The following MICAL3 variants were observed in gnomAD, a reference collection of about 807,000 sequenced individuals.
MICAL3 encodes microtubule associated monooxygenase, calponin and LIM domain containing 3.
A neutral mutation model predicts 207.4 loss-of-function variants in MICAL3; 62 were observed. The observed-to-expected ratio is 0.30, with a 90% confidence interval of 0.24 to 0.37. The LOEUF is 0.37. Among genes scored for constraint, MICAL3 ranks in the 10% least tolerant of loss-of-function variants. MICAL3 has a pLI of 1.00. For synonymous variants in MICAL3, 1,077 were observed against 1,069.3 expected, an observed-to-expected ratio of 1.01 and a Z score of -0.14; for missense variants, 2,368 against 2,635.6, an observed-to-expected ratio of 0.90 and a Z score of 2.22.
In MICAL3 at chr22:17,877,162, TGGAGGTTAG is replaced by T. The variant is rs1159642529; in HGVS notation, c.2242-5148_2242-5140del. ...GAGGTTATGGAGGTTAGGGAGGTTA[TGGAGGTTAG>T]GGAGGTTAGGGAAGTTATGGAGGTT... On this transcript the variant is annotated intron_variant, in intron 16 of 31. Transcript: ENST00000441493. Among the ~76,000 whole-genome samples, 41 of 12,980 alleles carry T rather than the reference TGGAGGTTAG, an allele frequency of 3.2e-3. 4 individuals are homozygous for T. Among genetic ancestry groups the T allele is most frequent in the South Asian group, 4.7e-3 (2 of 424 alleles). 8.5% of individuals were successfully genotyped at this position (12,980 alleles called of 152,430 possible).
chr22:17,983,822 T>C (rs1936037533), intron 1 of MICAL3, among the ~76,000 whole-genome samples: 1 of 152,102 alleles, frequency 6.6e-6, no homozygotes, highest in Admixed American at 6.6e-5. Flanking sequence ...AAAGGTGCCC[T>C]ATCAGACTCC....
chr22:17,956,068 T>C (rs1569146137), intron 1 of MICAL3, among the ~76,000 whole-genome samples: 1 of 152,206 alleles, frequency 6.6e-6, no homozygotes, highest in Non-Finnish European at 1.5e-5. Flanking sequence ...CTGAAATTCC[T>C]GGTCTTATAG....
rs141389816 is a variant in MICAL3, at chr22:17,938,194, T to A, written c.-74-31308A>T. Among the ~76,000 whole-genome samples, 356 of 152,304 alleles carry A rather than the reference T, an allele frequency of 2.3e-3. 1 individual carries two copies. The highest frequency in any genetic ancestry group is 8.0e-3 in the African/African-American group (333 of 41,566). ...AACTCAGGATAACAGGGTAATTAAG[T>A]TGGCCAGCTAATAAGCAGAGGATGA... On this transcript the variant is annotated intron_variant, in intron 1 of 31. Transcript: ENST00000441493.
intron 1 of MICAL3, among the ~76,000 whole-genome samples, chr22:17,964,338 T>C (rs1401721894): frequency 3.3e-5 from 5 of 152,162 alleles, no homozygotes; most frequent in African/African-American, 1.2e-4. Flanking sequence ...AGGCCAAATA[T>C]GCAAAGCCCC....
chr22:17,847,394 C>T (rs1237581539), intron 19 of MICAL3, among the ~76,000 whole-genome samples: 3 of 152,206 alleles, frequency 2.0e-5, no homozygotes, highest in Admixed American at 2.0e-4. Context: ...TCCTGTTTCC[C>T]ATGTCTGTAA....
intron 16 of MICAL3, among the ~76,000 whole-genome samples, chr22:17,882,885 C>T (rs1357899556): frequency 6.6e-6 from 1 of 152,100 alleles, no homozygotes; most frequent in Non-Finnish European, 1.5e-5. Context: ...CCTACTCCAC[C>T]ATGACCATAC....
chr22:17,902,736 G>A lies in MICAL3; in HGVS notation c.484C>T (p.Leu162Phe). ...GAIDHISIRQ[L>F]QLILLKVALI... ...GCTACTTTCAAAAGTATTAGTTGGAGCTGACGGATACCTGGGAGAATACAG... is the reference window on the plus strand; with the variant it reads ...GCTACTTTCAAAAGTATTAGTTGGAACTGACGGATACCTGGGAGAATACAG... The change falls in exon 4 of 32, where the codon CTC becomes TTC. Residue 162 changes from leucine (L) to phenylalanine (F), a missense_variant. Physicochemically the swap from Leu to Phe is conservative, Grantham distance 22. Transcript: ENST00000441493. This position sits in a 1 kb window ranked among gnomAD's most constrained non-coding sequence, Gnocchi z 4.5. The A allele has an allele frequency of 6.3e-7, 1 of 1,589,494 alleles. No individual in the cohort carries two copies. The highest frequency in any genetic ancestry group is 8.6e-7 in the Non-Finnish European group (1 of 1,164,050).
chr22:17,940,169 C>T (rs1933742203), intron 1 of MICAL3, among the ~76,000 whole-genome samples: 1 of 152,216 alleles, frequency 6.6e-6, no homozygotes, highest in African/African-American at 2.4e-5. Flanking sequence ...TACTATCTGC[C>T]CTTTCAGGGC....
At chr22:17,946,101 C>T (rs1474315779) in intron 1 of MICAL3, among the ~76,000 whole-genome samples, 1 of 152,150 alleles carries the variant, frequency 6.6e-6, no homozygotes, top group African/African-American at 2.4e-5. Flanking sequence ...ACAAAGCAGG[C>T]AGCATCTCAA....
At chr22:17,943,203 C>T (rs144146999) in intron 1 of MICAL3, among the ~76,000 whole-genome samples, 29 of 152,260 alleles carry the variant, frequency 1.9e-4, no homozygotes, top group African/African-American at 6.7e-4. Flanking sequence ...CGCTCTGTCA[C>T]CCGGGCTTGA....
Position 17,790,378 on chromosome 22 carries a change from G to A in MICAL3, c.*354C>T. 3.8e-6 allele frequency: 1 copy of A among 264,256 alleles called. No homozygotes were observed. The highest frequency in any genetic ancestry group is 7.3e-6 in the Non-Finnish European group (1 of 136,894). 16.4% of individuals were successfully genotyped at this position (264,256 alleles called of 1,614,324 possible). A position where few individuals can be genotyped will look rare whatever the true frequency, so the allele number is the denominator to read the frequency against. On this transcript the variant is annotated 3_prime_UTR_variant, in exon 32 of 32. Transcript: ENST00000441493. ...GCACGGCGCACTGTGGTTCTGACGG[G>A]GAGCAGCTTCCCTCTCTTACCAAAT...
intron 1 of MICAL3, among the ~76,000 whole-genome samples, chr22:17,991,244 C>A (rs1238561955): frequency 6.6e-6 from 1 of 152,116 alleles, no homozygotes; most frequent in East Asian, 1.9e-4. Context: ...TCTGAGCCTG[C>A]GTGTGTGTAA....
rs553009738 is a variant in MICAL3 at position 17,880,111 on chromosome 22, C to T, written c.2241+5767G>A. On this transcript the variant is annotated intron_variant, in intron 16 of 31. Coordinates refer to ENST00000441493, the MANE Select transcript of MICAL3 (RefSeq NM_015241.3). ...GGAAAAACAGCCCCAAGGCCTCTGA[C>T]GTGGCTGCTCCTATCTAGCACCCGT... Among the ~76,000 whole-genome samples the T allele has an allele frequency of 4.6e-5, 7 of 152,298 alleles. No homozygotes were observed. The South Asian group carries it at 8.3e-4, about 18-fold the overall frequency.
chr22:17,811,792 T>TGG (rs989203746), intron 27 of MICAL3, among the ~76,000 whole-genome samples: 1 of 152,172 alleles, frequency 6.6e-6, no homozygotes, highest in Non-Finnish European at 1.5e-5. Flanking sequence ...TCACCCAGGC[T>TGG]GGGGGGCAGT....
rs564525446 is a variant in MICAL3 at position 17,993,945 on chromosome 22, G to A, written c.-75+30336C>T. Among the ~76,000 whole-genome samples the A allele has an allele frequency of 3.3e-5, 5 of 152,214 alleles. No individual in the cohort carries two copies. The South Asian group carries it at 6.2e-4, about 19-fold the overall frequency. ...CCAATGCCTTCATCTAAATCCTGAC[G>A]CCACCACTTGTTTTAGCCCTCTGTG... On this transcript the variant is annotated intron_variant, in intron 1 of 31. Coordinates refer to ENST00000441493, the MANE Select transcript of MICAL3 (RefSeq NM_015241.3).
rs546066107 is a variant in MICAL3, at chr22:17,839,308, A to T, written c.2801+2514T>A. 4.8e-4 allele frequency among the ~76,000 whole-genome samples: 49 copies of T among 102,682 alleles called. 1 individual carries two copies. In the South Asian group the frequency reaches 0.013, roughly 27 times the overall value. The allele number at this position is 102,682 out of a possible 152,430, so 67.4% of individuals were successfully genotyped here. On this transcript the variant is annotated intron_variant, in intron 20 of 31. Transcript: ENST00000441493. ...AGTCTCCCTCTGTTGCCCAGGCTGG[A>T]GTGCAGTGGCACAATCTGGCTGACG...
rs1203457409 is a variant in MICAL3, at chr22:17,944,724, G to C, written c.-74-37838C>G. On this transcript the variant is annotated intron_variant, in intron 1 of 31. Coordinates refer to ENST00000441493, the MANE Select transcript of MICAL3 (RefSeq NM_015241.3). The stretch of plus-strand genomic sequence containing the variant: ...CCGCTCCAGGGGAAAGCAGGTGGGA[G>C]AAACCGCATTTTTAACTGAAAATAG... Among the ~76,000 whole-genome samples, 4 of 152,264 alleles carry C rather than the reference G, an allele frequency of 2.6e-5. No individual in the cohort carries two copies. The East Asian group carries it at 7.7e-4, about 29-fold the overall frequency.
chr22:17,866,613 C>CAGAACAGAATAGAATAGAATAGAAT (rs1467864211), intron 17 of MICAL3, among the ~76,000 whole-genome samples: 84 of 136,262 alleles, frequency 6.2e-4, no homozygotes, highest in African/African-American at 1.9e-3. Flanking sequence ...TAGAACAGAA[C>CAGAACAGAATAGAATAGAATAGAAT]AGAATAGAAT....
intron 1 of MICAL3, among the ~76,000 whole-genome samples, chr22:18,002,173 G>C (rs1290132371): frequency 6.6e-6 from 1 of 152,100 alleles, no homozygotes; most frequent in Non-Finnish European, 1.5e-5. Flanking sequence ...ACTACAGCCT[G>C]GGCAACAGAG....
Sources: gnomAD v4.1 joint callset for allele counts (sites outside exome capture counted in the v4.1 genomes callset) on GRCh38, gnomAD v4.1.1 for gene constraint, Gnocchi (gnomAD v3.1) non-coding constraint, MANE v1.5 for transcripts, NCBI Gene and HGNC (gene_info 2026-07-23, HGNC 2026-07-21) for gene names.